TLL2: variants seen among roughly 807,000 people sequenced by gnomAD.
TLL2 encodes tolloid like 2.
Under a neutral mutation model 123.0 loss-of-function variants are expected in TLL2, and 106 were observed. That is an observed-to-expected ratio of 0.86 (90% CI 0.74 to 1.01). The LOEUF is 1.01. Ranked by LOEUF, TLL2 falls within the 50% of genes least tolerant of loss-of-function variation. The pLI is 0.00. For missense variants in TLL2, 1,332 were observed against 1,336.7 expected, an observed-to-expected ratio of 1.00 and a Z score of 0.06; for synonymous variants, 494 against 516.8, an observed-to-expected ratio of 0.96 and a Z score of 0.60.
intron 5 of TLL2, among the ~76,000 whole-genome samples, chr10:96,423,688 A>T (rs2134076794): frequency 6.6e-6 from 1 of 152,334 alleles, no homozygotes; most frequent in East Asian, 1.9e-4. Flanking sequence ...TCATGGGTAA[A>T]AGGATATGTG....
chr10:96,447,571 AT>A (rs1564909210), intron 2 of TLL2, among the ~76,000 whole-genome samples: 3 of 152,174 alleles, frequency 2.0e-5, no homozygotes, highest in Admixed American at 2.0e-4. Flanking sequence ...GGGGCCACCA[AT>A]GCCACCTGCC....
rs369243805 is a variant in TLL2 at position 96,432,985 on chromosome 10, T to C, written c.365-23A>G. 73 of 1,603,716 alleles carry C rather than the reference T, an allele frequency of 4.6e-5. No homozygotes were observed. In the African/African-American group the frequency reaches 9.1e-4, roughly 20 times the overall value. On this transcript the variant is annotated intron_variant, in intron 3 of 20. Transcript: ENST00000357947. ...CATCTGCAACACAGTCAGGTTAATA[T>C]TGATTTTGCCCTTTGGTTCCTCCTG...
At chr10:96,440,366 A>T (rs1846839710) in intron 3 of TLL2, among the ~76,000 whole-genome samples, 1 of 152,240 alleles carries the variant, frequency 6.6e-6, no homozygotes. Flanking sequence ...TTCTAAAAAT[A>T]AACAGCCCAA....
intron 4 of TLL2, among the ~76,000 whole-genome samples, chr10:96,432,554 C>G (rs1846754882): frequency 6.6e-6 from 1 of 152,302 alleles, no homozygotes; most frequent in African/African-American, 2.4e-5. Context: ...CGTCAAGGTC[C>G]TTCCAGGTCA....
Position 96,510,460 on chromosome 10 carries a change from A to T in TLL2, c.175+3051T>A, listed in dbSNP as rs904020640. 2.6e-4 allele frequency among the ~76,000 whole-genome samples: 39 copies of T among 152,338 alleles called. 1 individual carries two copies. The highest frequency in any genetic ancestry group is 1.2e-3 in the Admixed American group (19 of 15,306). ...CATCAAATAGATTGTCTATTAGCAA[A>T]TTTAAATTTTCCAGCTTAAAACCTG... On this transcript the variant is annotated intron_variant, in intron 1 of 20. Transcript: ENST00000357947.
At chr10:96,492,119 T>C (rs1026392495) in intron 1 of TLL2, among the ~76,000 whole-genome samples, 3 of 151,966 alleles carry the variant, frequency 2.0e-5, no homozygotes, top group Non-Finnish European at 2.9e-5. Flanking sequence ...CAGCACTCAC[T>C]GTGTCCCTGG....
At chr10:96,503,552 T>C (rs1036284880) in intron 1 of TLL2, among the ~76,000 whole-genome samples, 11 of 152,186 alleles carry the variant, frequency 7.2e-5, no homozygotes, top group Non-Finnish European at 1.5e-5. Context: ...TTCTGCTCTT[T>C]ATCAGCCAAG....
intron 20 of TLL2, 47 bp downstream of exon 20, chr10:96,370,018 T>A: frequency 1.3e-6 from 2 of 1,507,006 alleles, no homozygotes; most frequent in Non-Finnish European, 1.8e-6. Flanking sequence ...CAACTCCTGC[T>A]GTGAATCATC....
intron 11 of TLL2, among the ~76,000 whole-genome samples, chr10:96,396,666 C>G (rs922294053): frequency 1.2e-4 from 18 of 148,560 alleles, no homozygotes; most frequent in Admixed American, 1.4e-4. Context: ...AATAGAAGCA[C>G]CATCACCTGG....
chr10:96,394,228 C>T lies in TLL2; in HGVS notation c.1726+959G>A, dbSNP rs552776053. On this transcript the variant is annotated intron_variant, in intron 13 of 20. Transcript: ENST00000357947. ...TGGGCAAGCACAAGTTGTAGGGGGG[C>T]TGGGGAAGTGGGGTCACTGATTAAG... is the stretch of plus-strand genomic sequence containing the variant. 2.6e-5 allele frequency among the ~76,000 whole-genome samples: 4 copies of T among 152,052 alleles called. No homozygotes were observed. In the East Asian group the frequency reaches 7.7e-4, roughly 29 times the overall value.
At position 96,405,089 on chromosome 10, in the gene TLL2, A is replaced by C. The variant is rs193053394; in HGVS notation, c.1267+143T>G. On this transcript the variant is annotated intron_variant, in intron 10 of 20. Coordinates refer to ENST00000357947, the MANE Select transcript of TLL2 (RefSeq NM_012465.4). ...TTAAAAGCTTTTAACATGTGTGGCCAAATGGAGTGCTCAGAGTTTTACAAT... is the reference window on the plus strand; with the variant it reads ...TTAAAAGCTTTTAACATGTGTGGCCCAATGGAGTGCTCAGAGTTTTACAAT... 4.5e-4 allele frequency: 324 copies of C among 721,512 alleles called. No individual in the cohort carries two copies. The East Asian group carries it at 6.2e-3, about 14-fold the overall frequency. The allele number at this position is 721,512 out of a possible 1,614,324, so 44.7% of individuals were successfully genotyped here. A position where few individuals can be genotyped will look rare whatever the true frequency, so the allele number is the denominator to read the frequency against.
At chr10:96,428,851 C>T (rs1846706901) in intron 4 of TLL2, 103 bp from the exon 5 acceptor site, 2 of 747,706 alleles carry the variant, frequency 2.7e-6, no homozygotes, top group East Asian at 5.4e-5. Context: ...GTTGCCCAGG[C>T]TGGAGTGCAA....
intron 3 of TLL2, among the ~76,000 whole-genome samples, chr10:96,439,226 A>C (rs7918944): frequency 2.5e-5 from 1 of 39,238 alleles, no homozygotes; most frequent in Admixed American, 3.2e-4. Flanking sequence ...TCAGCCTCCC[A>C]AGTAGCTGGG....
At chr10:96,475,701 TC>T (rs1847232258) in intron 2 of TLL2, among the ~76,000 whole-genome samples, 1 of 152,118 alleles carries the variant, frequency 6.6e-6, no homozygotes, top group Non-Finnish European at 1.5e-5. Flanking sequence ...TCCAGGGACC[TC>T]AGACCTCTCC....
chr10:96,505,290 C>T (rs1360658891), intron 1 of TLL2, among the ~76,000 whole-genome samples: 7 of 152,166 alleles, frequency 4.6e-5, no homozygotes, highest in Admixed American at 1.3e-4. Context: ...AAGGAAACCA[C>T]CCCCATGATC....
At position 96,370,784 on chromosome 10, in the gene TLL2, G is replaced by A. The variant is rs144876002; in HGVS notation, c.2663-469C>T. Among the ~76,000 whole-genome samples the A allele has an allele frequency of 2.4e-4, 36 of 152,248 alleles. No individual in the cohort carries two copies. In the East Asian group the frequency reaches 6.6e-3, roughly 28 times the overall value. ...GGCGATAAAAGCACATCGGAATCGC[G>A]GGTAAGCTCTCAACCCTGGAAACCT... On this transcript the variant is annotated intron_variant, in intron 19 of 20. Coordinates refer to ENST00000357947, the MANE Select transcript of TLL2 (RefSeq NM_012465.4).
Position 96,432,355 on chromosome 10 carries a change from C to T in TLL2, c.520+452G>A, listed in dbSNP as rs368624167. On this transcript the variant is annotated intron_variant, in intron 4 of 20. Transcript: ENST00000357947. ...GAGCTGAGATTTGGACCCAGGGAGT[C>T]GAGCCATGTCCACTGGTCCCTTTGG... Among the ~76,000 whole-genome samples, 11 of 152,134 alleles carry T rather than the reference C, an allele frequency of 7.2e-5. 1 individual carries two copies. The East Asian group carries it at 9.7e-4, about 13-fold the overall frequency.
intron 1 of TLL2, among the ~76,000 whole-genome samples, chr10:96,512,159 C>G (rs950876250): frequency 1.3e-5 from 2 of 152,170 alleles, no homozygotes; most frequent in Non-Finnish European, 2.9e-5. Flanking sequence ...CTAGTTTGAT[C>G]TCAAACCTTC....
intron 1 of TLL2, among the ~76,000 whole-genome samples, chr10:96,483,888 G>C (rs755791037): frequency 6.6e-6 from 1 of 152,162 alleles, no homozygotes; most frequent in Non-Finnish European, 1.5e-5. Context: ...TGTTGCCCAG[G>C]CTGGAGTGCA....
Sources: allele counts gnomAD v4.1 joint callset (sites outside exome capture counted in the v4.1 genomes callset), GRCh38; gene constraint gnomAD v4.1.1; transcripts MANE v1.5; gene names NCBI Gene and HGNC (gene_info 2026-07-23, HGNC 2026-07-21).